The following TRPM6 variants were observed in gnomAD, a reference collection of about 807,000 sequenced individuals.
TRPM6 encodes the protein transient receptor potential cation channel subfamily M member 6.
TRPM6 carries 111 observed loss-of-function variants against 247.6 expected under a neutral mutation model. The ratio of observed to expected loss-of-function variants is 0.45; its 90% CI spans 0.38 to 0.52. TRPM6 has a LOEUF of 0.52. Ranked by LOEUF, TRPM6 falls within the 20% of genes least tolerant of loss-of-function variation. The pLI, the probability that TRPM6 is intolerant of heterozygous loss-of-function variation, is 0.00. For synonymous variants in TRPM6, 892 were observed against 853.8 expected, an observed-to-expected ratio of 1.04 and a Z score of -0.78; for missense variants, 2,126 against 2,421.5, an observed-to-expected ratio of 0.88 and a Z score of 2.56.
chr9:74,800,902 GTGTTT>G (rs1828306218), intron 16 of TRPM6, among the ~76,000 whole-genome samples: 1 of 127,034 alleles, frequency 7.9e-6, no homozygotes, highest in Non-Finnish European at 1.6e-5. Context: ...CTAATAAAGT[GTGTTT>G]TTTTTTTTTT....
chr9:74,733,800 T>TGCC (rs1449858409), intron 36 of TRPM6, among the ~76,000 whole-genome samples: 1 of 151,878 alleles, frequency 6.6e-6, no homozygotes, highest in African/African-American at 2.4e-5. Context: ...TTAGATGATC[T>TGCC]GCCCACCTCA....
intron 1 of TRPM6, among the ~76,000 whole-genome samples, chr9:74,875,743 A>G (rs1831176625): frequency 6.6e-6 from 1 of 152,096 alleles, no homozygotes. Context: ...AAAACTGCCT[A>G]TTTGGAAGGT....
chr9:74,783,979 G>A (rs1827554645), intron 21 of TRPM6, among the ~76,000 whole-genome samples: 1 of 152,156 alleles, frequency 6.6e-6, no homozygotes, highest in African/African-American at 2.4e-5. Flanking sequence ...AAGCCGGCCG[G>A]GCTCAGTAGC....
intron 30 of TRPM6, among the ~76,000 whole-genome samples, chr9:74,750,258 T>A (rs930170344): frequency 2.0e-5 from 3 of 152,194 alleles, no homozygotes; most frequent in African/African-American, 7.2e-5. Context: ...TAATTATTTT[T>A]AAAATTAAAG....
At chr9:74,836,074 C>T (rs977919699) in intron 5 of TRPM6, among the ~76,000 whole-genome samples, 6 of 152,044 alleles carry the variant, frequency 3.9e-5, no homozygotes, top group African/African-American at 1.4e-4. Flanking sequence ...GATGTATATC[C>T]ACCATGTTAG....
intron 3 of TRPM6, among the ~76,000 whole-genome samples, chr9:74,853,278 G>T (rs1017335664): frequency 3.9e-5 from 6 of 152,008 alleles, no homozygotes; most frequent in Middle Eastern, 3.4e-3. Flanking sequence ...AGGGAAGTGA[G>T]GAGCGTCTCC....
intron 25 of TRPM6, among the ~76,000 whole-genome samples, chr9:74,771,434 C>T (rs1240615857): frequency 7.0e-6 from 1 of 142,872 alleles, no homozygotes. Context: ...CACACACACA[C>T]GCGCGCGCGC....
At chr9:74,774,002 G>A (rs1445205664) in intron 24 of TRPM6, among the ~76,000 whole-genome samples, 1 of 152,138 alleles carries the variant, frequency 6.6e-6, no homozygotes, top group Non-Finnish European at 1.5e-5. Flanking sequence ...GGATCCCTGA[G>A]AGCAAACAAT....
At chr9:74,856,868 A>G (rs1183894273) in intron 2 of TRPM6, among the ~76,000 whole-genome samples, 3 of 152,244 alleles carry the variant, frequency 2.0e-5, no homozygotes, top group African/African-American at 7.2e-5. Context: ...TAGAAGAAAT[A>G]GCCATAATCA....
At chr9:74,884,769 A>G (rs1177024703) in intron 1 of TRPM6, among the ~76,000 whole-genome samples, 1 of 152,200 alleles carries the variant, frequency 6.6e-6, no homozygotes, top group Non-Finnish European at 1.5e-5. Flanking sequence ...ATCAAGGAAA[A>G]AAACATATTC....
chr9:74,756,238 C>G (rs191352667), intron 27 of TRPM6, among the ~76,000 whole-genome samples: 26 of 152,264 alleles, frequency 1.7e-4, no homozygotes, highest in African/African-American at 5.5e-4. Flanking sequence ...TATCTCTCCC[C>G]TAAAAGGTTC....
intron 1 of TRPM6, among the ~76,000 whole-genome samples, chr9:74,873,777 A>T (rs1391609157): frequency 6.6e-6 from 1 of 152,036 alleles, no homozygotes; most frequent in Non-Finnish European, 1.5e-5. Flanking sequence ...ACAGAAAAAA[A>T]TCTTTTAATT....
intron 27 of TRPM6, among the ~76,000 whole-genome samples, chr9:74,761,143 T>C (rs1235167636): frequency 6.6e-6 from 1 of 152,200 alleles, no homozygotes; most frequent in African/African-American, 2.4e-5. Context: ...ACAGCTGAAA[T>C]GCTCATAAAT....
At chr9:74,840,906 A>G (rs1829917628) in intron 4 of TRPM6, among the ~76,000 whole-genome samples, 1 of 151,980 alleles carries the variant, frequency 6.6e-6, no homozygotes, top group Non-Finnish European at 1.5e-5. Context: ...CAAAATCACT[A>G]TGTCAGCAAA....
At chr9:74,882,771 G>T (rs1232061413) in intron 1 of TRPM6, among the ~76,000 whole-genome samples, 1 of 152,164 alleles carries the variant, frequency 6.6e-6, no homozygotes, top group African/African-American at 2.4e-5. Flanking sequence ...TATTCATCCA[G>T]CTGAAAGCAG....
At chr9:74,821,898 GT>G in intron 7 of TRPM6, 61 bp from the exon 8 acceptor site, 1 of 1,589,264 alleles carries the variant, frequency 6.3e-7, no homozygotes. Context: ...CCAGTCGGCC[GT>G]TTTGACTTCC....
intron 1 of TRPM6, among the ~76,000 whole-genome samples, chr9:74,881,127 T>C (rs904390220): frequency 5.5e-4 from 84 of 152,016 alleles, no homozygotes; most frequent in African/African-American, 1.9e-3. Context: ...AGATCCCATC[T>C]CTACAAAAAA....
At chr9:74,854,114 G>A (rs1046000431) in intron 3 of TRPM6, among the ~76,000 whole-genome samples, 1 of 152,136 alleles carries the variant, frequency 6.6e-6, no homozygotes, top group Non-Finnish European at 1.5e-5. Context: ...AGAAATGAGT[G>A]AGACTAGGAG....
intron 23 of TRPM6, among the ~76,000 whole-genome samples, chr9:74,777,975 T>C (rs1229415170): frequency 1.3e-5 from 2 of 152,184 alleles, no homozygotes; most frequent in Non-Finnish European, 1.5e-5. Flanking sequence ...CACTGATGTG[T>C]AGCTAGCAAC....
Sources: allele counts gnomAD v4.1 joint callset (sites outside exome capture counted in the v4.1 genomes callset), GRCh38; gene constraint gnomAD v4.1.1; transcripts MANE v1.5; gene names NCBI Gene and HGNC (gene_info 2026-07-23, HGNC 2026-07-21).